PCDH15: variants seen among roughly 807,000 people sequenced by gnomAD.
The protein encoded by PCDH15 is protocadherin related 15, also known as protocadherin-15.
Under a neutral mutation model 178.5 loss-of-function variants are expected in PCDH15, and 129 were observed. The observed-to-expected ratio is 0.72, with a 90% CI of 0.63 to 0.84. The LOEUF is 0.84. Among genes scored for constraint, PCDH15 ranks in the 40% least tolerant of loss-of-function variants. PCDH15 has a pLI of 0.00. For synonymous variants in PCDH15, 800 were observed against 732.0 expected (o/e 1.09, Z -1.50); for missense variants, 2,230 against 2,099.9 (o/e 1.06, Z -1.21).
At chr10:53,985,948 A>G (rs1368018497) in intron 21 of PCDH15, among the ~76,000 whole-genome samples, 1 of 152,248 alleles carries the variant, frequency 6.6e-6, no homozygotes, top group Non-Finnish European at 1.5e-5. Flanking sequence ...ACTGTTCCAC[A>G]TAAATGACAT....
At chr10:55,324,105 A>T (rs1458225701), upstream of PCDH15, among the ~76,000 whole-genome samples, 2 of 152,006 alleles carry the variant, frequency 1.3e-5, no homozygotes, top group East Asian at 1.9e-4. Flanking sequence ...CCTTTCGTGG[A>T]CTGGGCCCAG....
chr10:54,986,313 A>G (rs1291118322), intron 2 of PCDH15, among the ~76,000 whole-genome samples: 1 of 150,226 alleles, frequency 6.7e-6, no homozygotes, highest in Admixed American at 6.6e-5. Flanking sequence ...AGCAAAATAC[A>G]GCCAGAAATT....
At chr10:54,848,620 ATTTAT>A (rs752152393) in intron 3 of PCDH15, among the ~76,000 whole-genome samples, 8 of 152,030 alleles carry the variant, frequency 5.3e-5, no homozygotes, top group Non-Finnish European at 8.8e-5. Flanking sequence ...TAGAAAATGA[ATTTAT>A]TTATTTATAA....
chr10:54,647,057 T>C (rs2094144817), intron 2 of PCDH15, among the ~76,000 whole-genome samples: 1 of 152,084 alleles, frequency 6.6e-6, no homozygotes, highest in South Asian at 2.1e-4. Context: ...TGCAGCACTA[T>C]TCACAACAAC....
chr10:54,571,313 C>G (rs1221214502), intron 2 of PCDH15, among the ~76,000 whole-genome samples: 1 of 120,280 alleles, frequency 8.3e-6, no homozygotes, highest in Non-Finnish European at 1.6e-5. Flanking sequence ...TGCTGAAGTA[C>G]GAGACAATAG....
At chr10:54,512,359 TTGTGTGTGTGTGTGTG>T (rs200575121) in intron 3 of PCDH15, among the ~76,000 whole-genome samples, 2,491 of 134,164 alleles carry the variant, frequency 0.019, 64 homozygotes, top group African/African-American at 0.063. Flanking sequence ...ATTTCTGGCA[TTGTGTGTGTGTGTGTG>T]TGTGTGTGTG....
chr10:54,199,130 C>T (rs962044570), intron 10 of PCDH15, among the ~76,000 whole-genome samples: 1 of 151,920 alleles, frequency 6.6e-6, no homozygotes, highest in African/African-American at 2.4e-5. Flanking sequence ...CATATAAAGG[C>T]TCTGCCCATT....
intron 1 of PCDH15, among the ~76,000 whole-genome samples, chr10:55,224,780 T>C (rs1179133973): frequency 2.6e-5 from 4 of 152,084 alleles, no homozygotes; most frequent in Non-Finnish European, 2.9e-5. Flanking sequence ...ATATAACTCC[T>C]GTCCTCCAAC....
intron 28 of PCDH15, among the ~76,000 whole-genome samples, chr10:53,845,623 C>A (rs569026906): frequency 6.6e-6 from 1 of 151,610 alleles, no homozygotes; most frequent in African/African-American, 2.4e-5. Flanking sequence ...ATAAGCCAGG[C>A]AAAGAAGAAA....
At chr10:55,174,919 G>C (rs1470673622) in intron 1 of PCDH15, among the ~76,000 whole-genome samples, 1 of 152,126 alleles carries the variant, frequency 6.6e-6, no homozygotes, top group African/African-American at 2.4e-5. Context: ...TACCCTGGCA[G>C]GTATATAGCA....
intron 18 of PCDH15, among the ~76,000 whole-genome samples, chr10:54,046,592 GCTTA>G (rs1016197919): frequency 6.9e-6 from 1 of 145,826 alleles, no homozygotes; most frequent in African/African-American, 2.5e-5. Context: ...GTTTATAAAT[GCTTA>G]CTTAGATGGT....
At chr10:54,909,918 G>C (rs529686203) in intron 2 of PCDH15, among the ~76,000 whole-genome samples, 1 of 152,168 alleles carries the variant, frequency 6.6e-6, no homozygotes, top group African/African-American at 2.4e-5. Flanking sequence ...TCTCCAGGGG[G>C]GTCTCAGGGG....
intron 1 of PCDH15, among the ~76,000 whole-genome samples, chr10:54,692,139 A>G (rs1299753602): frequency 6.6e-6 from 1 of 152,138 alleles, no homozygotes; most frequent in East Asian, 1.9e-4. Flanking sequence ...TCATAGCTCT[A>G]TTTATTATAT....
At chr10:54,084,056 T>G (rs541197879) in intron 16 of PCDH15, among the ~76,000 whole-genome samples, 1 of 149,886 alleles carries the variant, frequency 6.7e-6, no homozygotes, top group African/African-American at 2.5e-5. Context: ...AGTGAAACAC[T>G]GTCTCTCTCT....
rs187307192 is a variant in PCDH15, at chr10:54,790,224, C to A, written c.-29+10701G>T. ...GAGTACAGGAATGTCTACCTGCTGA[C>A]AAGCTCTGCTCATACACAGAAGATT... On this transcript the variant is annotated intron_variant, in intron 1 of 37. Coordinates refer to ENST00000644397, the MANE Select transcript of PCDH15 (RefSeq NM_001384140.1). Among the ~76,000 whole-genome samples the A allele has an allele frequency of 7.7e-4, 117 of 151,882 alleles. 1 individual carries two copies. The highest frequency in any genetic ancestry group is 1.3e-3 in the Non-Finnish European group (89 of 67,876).
chr10:54,876,959 A>AT (rs1954156183), intron 3 of PCDH15, among the ~76,000 whole-genome samples: 3 of 152,128 alleles, frequency 2.0e-5, no homozygotes, highest in Non-Finnish European at 4.4e-5. Flanking sequence ...ACCAAGAAAT[A>AT]TTTTTTGAAA....
intron 1 of PCDH15, among the ~76,000 whole-genome samples, chr10:54,679,692 G>T (rs1262965537): frequency 6.6e-6 from 1 of 152,110 alleles, no homozygotes; most frequent in African/African-American, 2.4e-5. Context: ...TTTGTTTATA[G>T]AAAGAAAAAC....
At chr10:53,991,988 T>A (rs2091526770) in intron 21 of PCDH15, among the ~76,000 whole-genome samples, 1 of 152,058 alleles carries the variant, frequency 6.6e-6, no homozygotes, top group African/African-American at 2.4e-5. Context: ...GGAAGCGTTG[T>A]TCTTTTGCTC....
At chr10:55,057,679 A>G (rs1323352783) in intron 2 of PCDH15, among the ~76,000 whole-genome samples, 2 of 152,000 alleles carry the variant, frequency 1.3e-5, no homozygotes, top group Non-Finnish European at 2.9e-5. Flanking sequence ...CCCTTTCTCC[A>G]TGATATAAGC....
Sources: gnomAD v4.1 joint callset for allele counts (sites outside exome capture counted in the v4.1 genomes callset) on GRCh38, gnomAD v4.1.1 for gene constraint, MANE v1.5 for transcripts, NCBI Gene and HGNC (gene_info 2026-07-23, HGNC 2026-07-21) for gene names.